The following ASTN2 variants were observed in gnomAD, a reference collection of about 807,000 sequenced individuals.
The protein encoded by ASTN2 is astrotactin-2.
A neutral mutation model predicts 139.8 loss-of-function variants in ASTN2; 54 were observed. That is an observed-to-expected ratio of 0.39 (90% CI 0.31 to 0.48). The LOEUF (loss-of-function observed/expected upper bound fraction) is 0.48. Among genes scored for constraint, ASTN2 ranks in the 20% least tolerant of loss-of-function variants. The pLI is 0.95. For missense variants in ASTN2, 1,565 were observed against 1,725.1 expected (o/e 0.91, Z 1.64); for synonymous variants, 756 against 719.5 (o/e 1.05, Z -0.81).
At chr9:116,588,376 G>A (rs1386269712) in intron 19 of ASTN2, among the ~76,000 whole-genome samples, 2 of 152,218 alleles carry the variant, frequency 1.3e-5, no homozygotes, top group African/African-American at 4.8e-5. Context: ...GGAGCAGATT[G>A]ACAGACCTGG....
At chr9:117,313,074 T>G (rs2130818417) in intron 1 of ASTN2, among the ~76,000 whole-genome samples, 1 of 152,322 alleles carries the variant, frequency 6.6e-6, no homozygotes, top group South Asian at 2.1e-4. Flanking sequence ...ATGCCAGAAT[T>G]TAGGAACCCA....
intron 17 of ASTN2, among the ~76,000 whole-genome samples, chr9:116,640,292 T>C (rs1473894781): frequency 6.6e-6 from 1 of 152,138 alleles, no homozygotes; most frequent in Non-Finnish European, 1.5e-5. Flanking sequence ...AACTCTGTTA[T>C]GACCATAAAA....
chr9:116,819,629 A>G (rs767146099), intron 12 of ASTN2, among the ~76,000 whole-genome samples: 3 of 152,254 alleles, frequency 2.0e-5, no homozygotes, highest in Non-Finnish European at 4.4e-5. Context: ...AAATGTTGTT[A>G]CATGTCCTGT....
chr9:117,201,890 T>A (rs1831734784), intron 3 of ASTN2, among the ~76,000 whole-genome samples: 1 of 152,310 alleles, frequency 6.6e-6, no homozygotes, highest in East Asian at 1.9e-4. Flanking sequence ...GTCCTGAATA[T>A]CCTTGTTAAT....
intron 16 of ASTN2, chr9:116,687,195 C>T (rs982808705): frequency 2.9e-6 from 3 of 1,019,250 alleles, no homozygotes; most frequent in Non-Finnish European, 2.4e-6. Context: ...CCTGCAGGGC[C>T]GCCTTGCCCC....
chr9:117,362,505 C>T (rs1265383499), intron 1 of ASTN2, among the ~76,000 whole-genome samples: 7 of 152,104 alleles, frequency 4.6e-5, no homozygotes, highest in Non-Finnish European at 7.4e-5. Context: ...ATCCTCCCTC[C>T]ATCCCTGCTG....
At chr9:117,093,711 GC>G (rs1828763609) in intron 5 of ASTN2, among the ~76,000 whole-genome samples, 1 of 152,132 alleles carries the variant, frequency 6.6e-6, no homozygotes, top group Non-Finnish European at 1.5e-5. Context: ...AAGTTCATTT[GC>G]CTAGAACAAA....
chr9:116,858,799 T>C (rs546400482), intron 11 of ASTN2, among the ~76,000 whole-genome samples: 1 of 152,302 alleles, frequency 6.6e-6, no homozygotes, highest in South Asian at 2.1e-4. Context: ...AATAGCATAA[T>C]TATTTATATA....
At chr9:116,988,333 G>GA (rs1213259987) in intron 7 of ASTN2, among the ~76,000 whole-genome samples, 1 of 152,190 alleles carries the variant, frequency 6.6e-6, no homozygotes, top group Non-Finnish European at 1.5e-5. Flanking sequence ...TGAGCAACAT[G>GA]AAAAATGGGC....
At chr9:117,228,365 A>G (rs1832780976) in intron 2 of ASTN2, among the ~76,000 whole-genome samples, 1 of 152,040 alleles carries the variant, frequency 6.6e-6, no homozygotes, top group South Asian at 2.1e-4. Flanking sequence ...TTCAAAACCT[A>G]TTACAAGTCA....
At chr9:116,979,975 GATC>G (rs1836461632) in intron 7 of ASTN2, among the ~76,000 whole-genome samples, 1 of 152,082 alleles carries the variant, frequency 6.6e-6, no homozygotes, top group African/African-American at 2.4e-5. Flanking sequence ...ACTCAGAATG[GATC>G]ATTAATTACT....
At position 117,352,110 on chromosome 9, in the gene ASTN2, C is replaced by A. The variant is rs1829410495; in HGVS notation, c.443-60597G>T. Among the ~76,000 whole-genome samples the A allele has an allele frequency of 2.0e-5, 3 of 152,146 alleles. No individual in the cohort carries two copies. In the South Asian group the frequency reaches 6.2e-4, roughly 32 times the overall value. ...TATACCTTTATCAGAGAGAAACAGT[C>A]CCTTGAATCTCACAGGCTGTGTCTT... On this transcript the variant is annotated intron_variant, in intron 1 of 22. Coordinates refer to ENST00000313400, the MANE Select transcript of ASTN2 (RefSeq NM_001365068.1).
At position 116,428,183 on chromosome 9, in the gene ASTN2, TAGGGA is replaced by T. The variant is rs559848232; in HGVS notation, c.3783-2100_3783-2096del. ...CCAAGTAGGCTTCCTATTATAGTAG[TAGGGA>T]AACATGTGTTGAGCCTCCTAAATGA... On this transcript the variant is annotated intron_variant, in intron 22 of 22. Transcript: ENST00000313400. 2.4e-4 allele frequency among the ~76,000 whole-genome samples: 37 copies of T among 152,040 alleles called. No homozygotes were observed. In the South Asian group the frequency reaches 7.7e-3, roughly 32 times the overall value.
intron 13 of ASTN2, among the ~76,000 whole-genome samples, chr9:116,767,155 C>CAA (rs1224428996): frequency 2.0e-5 from 3 of 150,292 alleles, no homozygotes; most frequent in Non-Finnish European, 3.0e-5. Context: ...CCTACATATA[C>CAA]ACACACACAC....
At chr9:116,512,713 C>T (rs7857687) in intron 19 of ASTN2, among the ~76,000 whole-genome samples, 84,471 of 152,026 alleles carry the variant, frequency 0.56, 24,126 homozygotes, top group African/African-American at 0.69. Flanking sequence ...ATATTTAGGA[C>T]AGTTAGCTCT....
rs1321336877 is a variant in ASTN2, at chr9:116,641,138, T to C, written c.3072+10390A>G. Among the ~76,000 whole-genome samples, 3 of 152,186 alleles carry C rather than the reference T, an allele frequency of 2.0e-5. No individual in the cohort carries two copies. In the East Asian group the frequency reaches 5.8e-4, roughly 29 times the overall value. ...GAGAAGTTACTGTACTTTTATTTTA[T>C]GGTAGGAGCCAATCCTAGAATGAAT... On this transcript the variant is annotated intron_variant, in intron 17 of 22. Coordinates refer to ENST00000313400, the MANE Select transcript of ASTN2 (RefSeq NM_001365068.1).
chr9:116,967,791 G>GA (rs779741104), intron 10 of ASTN2, among the ~76,000 whole-genome samples: 3 of 152,240 alleles, frequency 2.0e-5, no homozygotes, highest in South Asian at 2.1e-4. Flanking sequence ...TTCATCGAGT[G>GA]ACTGGCCCCG....
chr9:117,264,143 C>T (rs2133113363), intron 2 of ASTN2, among the ~76,000 whole-genome samples: 1 of 152,182 alleles, frequency 6.6e-6, no homozygotes, highest in South Asian at 2.1e-4. Context: ...TGTTACTTCA[C>T]TTAGTTTCTT....
chr9:116,813,047 A>G (rs1205391883), intron 12 of ASTN2, among the ~76,000 whole-genome samples: 2 of 152,138 alleles, frequency 1.3e-5, no homozygotes, highest in African/African-American at 4.8e-5. Flanking sequence ...GTACTATGAC[A>G]CATAATTATA....
Sources: allele counts gnomAD v4.1 joint callset (sites outside exome capture counted in the v4.1 genomes callset), GRCh38; gene constraint gnomAD v4.1.1; transcripts MANE v1.5; gene names NCBI Gene and HGNC (gene_info 2026-07-23, HGNC 2026-07-21).